The following FHOD3 variants were observed in gnomAD, a reference collection of about 807,000 sequenced individuals.
FHOD3 encodes FH1/FH2 domain-containing protein 3.
FHOD3 carries 90 observed loss-of-function variants against 173.0 expected under a neutral mutation model. The ratio of observed to expected loss-of-function variants is 0.52; its 90% CI spans 0.44 to 0.62. The LOEUF (loss-of-function observed/expected upper bound fraction) is 0.62, where lower values mean the gene tolerates loss of function less well. Among genes scored for constraint, FHOD3 ranks in the 20% least tolerant of loss-of-function variants. FHOD3 has a pLI of 0.00. For missense variants in FHOD3, 1,945 were observed against 2,034.7 expected, an observed-to-expected ratio of 0.96 and a Z score of 0.85; for synonymous variants, 828 against 823.0, an observed-to-expected ratio of 1.01 and a Z score of -0.10.
In FHOD3 at chr18:36,698,691, T is replaced by C. The variant is rs185664948; in HGVS notation, c.2236+5268T>C. ...CTATGAAGGAACTGAAACATTACCC[T>C]ATTTGTAAGCTAATGTGCTGCCTTG... On this transcript the variant is annotated intron_variant, in intron 17 of 28. Coordinates refer to ENST00000590592, the MANE Select transcript of FHOD3 (RefSeq NM_001281740.3). 9.8e-4 allele frequency among the ~76,000 whole-genome samples: 150 copies of C among 152,320 alleles called. 1 individual carries two copies. Among genetic ancestry groups the C allele is most frequent in the Middle Eastern group, 3.4e-3 (1 of 294 alleles).
intron 3 of FHOD3, among the ~76,000 whole-genome samples, chr18:36,385,020 G>A (rs2047963129): frequency 6.6e-6 from 1 of 152,138 alleles, no homozygotes; most frequent in Admixed American, 6.5e-5. Flanking sequence ...TAGAGTGTCT[G>A]ATCTATTTGT....
intron 3 of FHOD3, among the ~76,000 whole-genome samples, chr18:36,413,484 G>A (rs2049463301): frequency 6.6e-6 from 1 of 152,200 alleles, no homozygotes; most frequent in African/African-American, 2.4e-5. Flanking sequence ...GGAGGAAGAT[G>A]CCCATGCTGC....
At chr18:36,771,314 C>T (rs544207343) in intron 28 of FHOD3, among the ~76,000 whole-genome samples, 3 of 152,314 alleles carry the variant, frequency 2.0e-5, no homozygotes, top group African/African-American at 7.2e-5. Context: ...AGGGGCGAGG[C>T]TAATCCACAC....
At chr18:36,330,638 C>T (rs1320576425) in intron 1 of FHOD3, among the ~76,000 whole-genome samples, 2 of 152,124 alleles carry the variant, frequency 1.3e-5, no homozygotes, top group Non-Finnish European at 2.9e-5. Context: ...GGGATCAAGC[C>T]TGTGAAAAGC....
At chr18:36,439,561 GTGTGTGTA>G (rs1394885119) in intron 3 of FHOD3, among the ~76,000 whole-genome samples, 4 of 139,696 alleles carry the variant, frequency 2.9e-5, no homozygotes, top group African/African-American at 7.7e-5. Flanking sequence ...GTGTGTGTGT[GTGTGTGTA>G]TGTATGTAGT....
intron 2 of FHOD3, among the ~76,000 whole-genome samples, chr18:36,358,138 G>A (rs2046448200): frequency 6.6e-6 from 1 of 152,180 alleles, no homozygotes; most frequent in Non-Finnish European, 1.5e-5. Flanking sequence ...GGGTGGCAAA[G>A]CCAAGTTTGA....
At chr18:36,524,520 A>G (rs1372606305) in intron 5 of FHOD3, among the ~76,000 whole-genome samples, 1 of 152,162 alleles carries the variant, frequency 6.6e-6, no homozygotes, top group Non-Finnish European at 1.5e-5. Context: ...ATCAAACCAA[A>G]GCAGGGCTGG....
intron 18 of FHOD3, among the ~76,000 whole-genome samples, chr18:36,715,312 G>A (rs1385244444): frequency 6.6e-6 from 1 of 152,118 alleles, no homozygotes; most frequent in Non-Finnish European, 1.5e-5. Context: ...CTCTTTGCTG[G>A]GCACTCATTC....
intron 5 of FHOD3, among the ~76,000 whole-genome samples, chr18:36,517,610 C>A (rs754679247): frequency 6.6e-6 from 1 of 152,204 alleles, no homozygotes; most frequent in Admixed American, 6.5e-5. Flanking sequence ...TTAATTTGGT[C>A]ATTTCATCTA....
At chr18:36,565,854 T>C (rs1164743641) in intron 5 of FHOD3, among the ~76,000 whole-genome samples, 2 of 152,150 alleles carry the variant, frequency 1.3e-5, no homozygotes, top group Admixed American at 1.3e-4. Context: ...GCCTCAAATA[T>C]GCAAGTGGAC....
chr18:36,626,847 A>G (rs1318468645), intron 10 of FHOD3, among the ~76,000 whole-genome samples: 2 of 152,200 alleles, frequency 1.3e-5, no homozygotes, highest in East Asian at 3.9e-4. Context: ...ACCAGCACCA[A>G]GAGGTGCCCC....
At chr18:36,664,814 G>T (rs996123177) in intron 14 of FHOD3, among the ~76,000 whole-genome samples, 3 of 146,740 alleles carry the variant, frequency 2.0e-5, no homozygotes, top group Admixed American at 6.8e-5. Flanking sequence ...GAGAGAGAGA[G>T]ATTGAGATTG....
intron 17 of FHOD3, 84 bp downstream of exon 17, chr18:36,693,507 C>A: frequency 2.4e-6 from 3 of 1,233,780 alleles, no homozygotes; most frequent in Non-Finnish European, 2.3e-6. Flanking sequence ...TTTCAACCTG[C>A]AGGCTAATAC....
chr18:36,772,099 G>T (rs1567971346), intron 28 of FHOD3, among the ~76,000 whole-genome samples: 1 of 152,066 alleles, frequency 6.6e-6, no homozygotes, highest in Non-Finnish European at 1.5e-5. Flanking sequence ...ATTTCCTATG[G>T]TATCGTTTTC....
intron 5 of FHOD3, among the ~76,000 whole-genome samples, chr18:36,559,539 T>C (rs1402697765): frequency 2.0e-5 from 3 of 152,164 alleles, no homozygotes; most frequent in Non-Finnish European, 4.4e-5. Flanking sequence ...TCCATACCCC[T>C]CTGCACTACA....
intron 1 of FHOD3, among the ~76,000 whole-genome samples, chr18:36,311,639 C>T (rs902818069): frequency 1.3e-5 from 2 of 152,202 alleles, no homozygotes; most frequent in African/African-American, 4.8e-5. Flanking sequence ...TTCCCTGCAG[C>T]TGTGCTATGA....
chr18:36,364,243 A>G (rs1007157937), intron 2 of FHOD3, among the ~76,000 whole-genome samples: 2 of 152,192 alleles, frequency 1.3e-5, no homozygotes, highest in East Asian at 3.8e-4. Context: ...TTTCTTGTAT[A>G]AGATTCCAAA....
intron 5 of FHOD3, among the ~76,000 whole-genome samples, chr18:36,519,906 T>G (rs184223356): frequency 5.8e-4 from 88 of 152,270 alleles, no homozygotes; most frequent in Non-Finnish European, 1.1e-3. Context: ...GATTAGTGAA[T>G]GCTTGTCTCT....
At chr18:36,595,343 ACCTATGCTCCTGGCCACCCTC>A (rs2030151025) in intron 7 of FHOD3, among the ~76,000 whole-genome samples, 1 of 151,966 alleles carries the variant, frequency 6.6e-6, no homozygotes, top group African/African-American at 2.4e-5. Context: ...ACTAGGTTTA[ACCTATGCTCCTGGCCACCCTC>A]CCAAACAGTT....
Sources: gnomAD v4.1 joint callset for allele counts (sites outside exome capture counted in the v4.1 genomes callset) on GRCh38, gnomAD v4.1.1 for gene constraint, MANE v1.5 for transcripts, NCBI Gene and HGNC (gene_info 2026-07-23, HGNC 2026-07-21) for gene names.